Variants in PTPRM observed in about 807,000 individuals in gnomAD.
The protein encoded by PTPRM is receptor-type tyrosine-protein phosphatase mu.
In PTPRM, 47 loss-of-function variants were observed where a neutral mutation model predicts 186.7. The observed-to-expected ratio is 0.25, with a 90% CI of 0.20 to 0.32. PTPRM has a LOEUF of 0.32. PTPRM is among the 10% of genes least tolerant of loss of function. The pLI, the probability that PTPRM is intolerant of heterozygous loss-of-function variation, is 1.00. For synonymous variants in PTPRM, 668 were observed against 674.9 expected (o/e 0.99, Z 0.16); for missense variants, 1,494 against 1,865.0 (o/e 0.80, Z 3.66).
chr18:8,211,548 C>T (rs1422450891), intron 14 of PTPRM, among the ~76,000 whole-genome samples: 1 of 81,368 alleles, frequency 1.2e-5, no homozygotes, highest in African/African-American at 4.0e-5. Flanking sequence ...GGATTACAGG[C>T]ACCCGCCACC....
chr18:7,896,087 CTTAA>C (rs951424466), intron 3 of PTPRM, among the ~76,000 whole-genome samples: 7 of 152,094 alleles, frequency 4.6e-5, no homozygotes, highest in Non-Finnish European at 7.4e-5. Flanking sequence ...TATTTAATTC[CTTAA>C]TTAATGTTTT....
intron 11 of PTPRM, among the ~76,000 whole-genome samples, chr18:8,104,729 T>C (rs1198029128): frequency 6.6e-6 from 1 of 152,180 alleles, no homozygotes; most frequent in African/African-American, 2.4e-5. Context: ...ACTACAGGCA[T>C]GAGGTACCAC....
chr18:8,006,616 G>C (rs1192695556), intron 7 of PTPRM, among the ~76,000 whole-genome samples: 6 of 152,152 alleles, frequency 3.9e-5, no homozygotes, highest in African/African-American at 1.4e-4. Flanking sequence ...ACCATGGGTA[G>C]AACTGGGAGG....
Position 7,968,330 on chromosome 18 carries a change from T to C in PTPRM, c.1132+12916T>C, listed in dbSNP as rs1304294574. Among the ~76,000 whole-genome samples the C allele has an allele frequency of 6.1e-5, 9 of 147,308 alleles. No homozygotes were observed. The East Asian group carries it at 9.7e-4, about 16-fold the overall frequency. Reference sequence around the variant, plus strand: ...AGCGCTAAACATGGAAAGGAACAACTGGTACCAGCCGCTGCGAAATCATGC... The same window carrying C: ...AGCGCTAAACATGGAAAGGAACAACCGGTACCAGCCGCTGCGAAATCATGC... On this transcript the variant is annotated intron_variant, in intron 7 of 32. Coordinates refer to ENST00000580170, the MANE Select transcript of PTPRM (RefSeq NM_001105244.2).
rs1184077005 is a variant in PTPRM, at chr18:7,649,313, GC to G, written c.73+81424del. 1.8e-4 allele frequency among the ~76,000 whole-genome samples: 27 copies of G among 152,288 alleles called. 1 individual carries two copies. In the East Asian group the frequency reaches 5.2e-3, roughly 29 times the overall value. The stretch of plus-strand genomic sequence containing the variant: ...ACAAGGAGATTAATGTTGCTTTCAT[GC>G]CTGCTAACACAGCATCCATTTTGTA... On this transcript the variant is annotated intron_variant, in intron 1 of 32. Coordinates refer to ENST00000580170, the MANE Select transcript of PTPRM (RefSeq NM_001105244.2).
chr18:7,785,440 TGA>T (rs10538608), intron 2 of PTPRM, among the ~76,000 whole-genome samples: 4,485 of 150,924 alleles, frequency 0.03, 197 homozygotes, highest in African/African-American at 0.096. Flanking sequence ...GTGTGTATGT[TGA>T]GAGAGAGAGA....
intron 23 of PTPRM, among the ~76,000 whole-genome samples, chr18:8,344,472 A>ATATATATATATATATATC (rs1161839943): frequency 1.4e-3 from 212 of 146,756 alleles, no homozygotes; most frequent in African/African-American, 3.1e-3. Flanking sequence ...ATATATATAT[A>ATATATATATATATATATC]TATCTAGCAA....
intron 2 of PTPRM, among the ~76,000 whole-genome samples, chr18:7,834,491 T>TACACACACACACACACACACATACAC (rs2045927342): frequency 1.1e-4 from 9 of 84,606 alleles, no homozygotes; most frequent in African/African-American, 4.3e-4. Flanking sequence ...TATACAAGTA[T>TACACACACACACACACACACATACAC]ACACACACAC....
rs557589859 is a variant in PTPRM, at chr18:7,828,313, G to T, written c.196+54042G>T. On this transcript the variant is annotated intron_variant, in intron 2 of 32. Transcript: ENST00000580170. ...GTACATGTGCACAATGTGCAGGTTT[G>T]TTACATATGTATACATGTGCCATGT... Among the ~76,000 whole-genome samples the T allele has an allele frequency of 5.1e-3, 763 of 150,924 alleles. 4 individuals carry two copies. Among genetic ancestry groups the T allele is most frequent in the Non-Finnish European group, 5.9e-3 (399 of 67,790 alleles).
At chr18:8,115,284 G>T (rs748583757) in intron 13 of PTPRM, among the ~76,000 whole-genome samples, 8 of 152,086 alleles carry the variant, frequency 5.3e-5, no homozygotes, top group Non-Finnish European at 1.2e-4. Flanking sequence ...TTCACTGGTG[G>T]TGCGTGTCTC....
chr18:8,085,640 G>C, intron 9 of PTPRM, 31 bp from the exon 10 acceptor site: 1 of 1,544,472 alleles, frequency 6.5e-7, no homozygotes, highest in Non-Finnish European at 9.0e-7. Context: ...ATCTGCTCCA[G>C]ATATTTTATC....
At chr18:7,722,746 G>A (rs1361254385) in intron 1 of PTPRM, among the ~76,000 whole-genome samples, 1 of 152,088 alleles carries the variant, frequency 6.6e-6, no homozygotes, top group Non-Finnish European at 1.5e-5. Context: ...TATATAAAGG[G>A]ATAATCTACC....
intron 24 of PTPRM, among the ~76,000 whole-genome samples, chr18:8,372,220 C>T (rs1020175772): frequency 2.7e-5 from 4 of 147,176 alleles, no homozygotes; most frequent in East Asian, 2.0e-4. Context: ...TACAGGCGCC[C>T]GCCACCGCGC....
intron 2 of PTPRM, among the ~76,000 whole-genome samples, chr18:7,830,327 A>G (rs923432681): frequency 6.6e-6 from 1 of 152,142 alleles, no homozygotes; most frequent in African/African-American, 2.4e-5. Context: ...TGACTTAGAT[A>G]CCGCAAGTCC....
intron 14 of PTPRM, among the ~76,000 whole-genome samples, chr18:8,155,934 A>G (rs2093111738): frequency 6.6e-6 from 1 of 152,242 alleles, no homozygotes; most frequent in Non-Finnish European, 1.5e-5. Flanking sequence ...CTTTGTGACA[A>G]TTATTTAAAA....
At chr18:8,022,426 T>A (rs1484387657) in intron 7 of PTPRM, among the ~76,000 whole-genome samples, 1 of 152,226 alleles carries the variant, frequency 6.6e-6, no homozygotes, top group African/African-American at 2.4e-5. Flanking sequence ...AAGCGTTTTC[T>A]AAGTCTTTTC....
At chr18:8,334,027 G>C (rs762011818) in intron 22 of PTPRM, among the ~76,000 whole-genome samples, 30 of 152,216 alleles carry the variant, frequency 2.0e-4, no homozygotes, top group Non-Finnish European at 3.4e-4. Context: ...TGGCAGTGCT[G>C]CTGTAACAAA....
chr18:8,149,935 G>C (rs1017845097), intron 14 of PTPRM, among the ~76,000 whole-genome samples: 1 of 152,134 alleles, frequency 6.6e-6, no homozygotes, highest in African/African-American at 2.4e-5. Flanking sequence ...TGAAATTCCG[G>C]GTTGAAAATT....
chr18:7,827,205 G>GGT (rs1231799796), intron 2 of PTPRM, among the ~76,000 whole-genome samples: 1 of 152,130 alleles, frequency 6.6e-6, no homozygotes, highest in Non-Finnish European at 1.5e-5. Flanking sequence ...TGTTAATACA[G>GGT]GTATAAAGAA....
Sources: gnomAD v4.1 joint callset for allele counts (sites outside exome capture counted in the v4.1 genomes callset) on GRCh38, gnomAD v4.1.1 for gene constraint, MANE v1.5 for transcripts, NCBI Gene and HGNC (gene_info 2026-07-23, HGNC 2026-07-21) for gene names.